USP4: variants seen among roughly 807,000 people sequenced by gnomAD.
USP4 encodes the protein ubiquitin specific peptidase 4.
A neutral mutation model predicts 118.2 loss-of-function variants in USP4; 72 were observed. The ratio of observed to expected loss-of-function variants is 0.61; its 90% CI spans 0.50 to 0.74. USP4 has a LOEUF of 0.74. Ranked by LOEUF, USP4 falls within the 30% of genes least tolerant of loss-of-function variation. The pLI is 0.00. For synonymous variants in USP4, 415 were observed against 440.4 expected, an observed-to-expected ratio of 0.94 and a Z score of 0.72; for missense variants, 1,037 against 1,185.7, an observed-to-expected ratio of 0.87 and a Z score of 1.84.
chr3:49,329,552 C>A (rs1005659316), intron 2 of USP4, among the ~76,000 whole-genome samples: 1 of 152,068 alleles, frequency 6.6e-6, no homozygotes, highest in African/African-American at 2.4e-5. Context: ...AGGTGCATGC[C>A]ACCAGGCCTA....
At chr3:49,294,627 T>G in intron 13 of USP4, 29 bp from the exon 14 acceptor site, 1 of 1,600,980 alleles carries the variant, frequency 6.2e-7, no homozygotes, top group South Asian at 1.1e-5. Flanking sequence ...AGGGCACTTT[T>G]AGCAGTAGGT....
At chr3:49,310,561 G>T in intron 8 of USP4, 59 bp downstream of exon 8, 1 of 1,449,684 alleles carries the variant, frequency 6.9e-7, no homozygotes. Flanking sequence ...ACCTTTGCAG[G>T]CCACTTCCAC....
At chr3:49,299,351 G>A (rs1349925653) in intron 11 of USP4, among the ~76,000 whole-genome samples, 1 of 151,026 alleles carries the variant, frequency 6.6e-6, no homozygotes, top group Non-Finnish European at 1.5e-5. Flanking sequence ...GCCTCCTGAA[G>A]TGCTGGGATT....
chr3:49,321,630 G>C (rs1287045835), intron 6 of USP4, among the ~76,000 whole-genome samples: 1 of 151,998 alleles, frequency 6.6e-6, no homozygotes, highest in Non-Finnish European at 1.5e-5. Context: ...ACTGCACCGG[G>C]CTAATTTTCT....
intron 9 of USP4, 47 bp downstream of exon 9, chr3:49,305,668 A>G (rs2047306349): frequency 6.9e-7 from 1 of 1,439,096 alleles, no homozygotes; most frequent in South Asian, 1.6e-5. Context: ...GGTCCCAGGC[A>G]TCTATATACA....
chr3:49,328,878 A>T (rs966215170), intron 2 of USP4, among the ~76,000 whole-genome samples: 7 of 151,384 alleles, frequency 4.6e-5, no homozygotes, highest in East Asian at 1.9e-4. Context: ...AAAAATAAAT[A>T]AAAATTAAAA....
At chr3:49,317,283 C>CT in intron 6 of USP4, 1 of 1,520,026 alleles carries the variant, frequency 6.6e-7, no homozygotes, top group Non-Finnish European at 9.0e-7. Flanking sequence ...CGCGGGCCAG[C>CT]TTCTCGTTGA....
In USP4 at chr3:49,277,490, C is replaced by T. The variant is rs2046975953; in HGVS notation, c.*803G>A. On this transcript the variant is annotated 3_prime_UTR_variant, in exon 22 of 22. Coordinates refer to ENST00000265560, the MANE Select transcript of USP4 (RefSeq NM_003363.4). ...GCCATGAACTGGAGCCCTTTCCCGG[C>T]TAACTCCCACAAAGATTTCTGTTCT... 4.8e-6 allele frequency: 1 copy of T among 209,942 alleles called. No individual in the cohort carries two copies. The highest frequency in any genetic ancestry group is 2.4e-5 in the African/African-American group (1 of 42,310). The allele number at this position is 209,942 out of a possible 1,614,324, so 13.0% of individuals were successfully genotyped here. A position where few individuals can be genotyped will look rare whatever the true frequency, so the allele number is the denominator to read the frequency against.
chr3:49,295,710 G>A (rs185611072), intron 13 of USP4, among the ~76,000 whole-genome samples: 11 of 138,456 alleles, frequency 7.9e-5, no homozygotes, highest in African/African-American at 2.3e-4. Context: ...GTGCGCGCGC[G>A]CGCGCACACA....
Position 49,339,959 on chromosome 3 carries a change from G to T in USP4, c.66C>A (p.Pro22=). 1 of 1,613,126 alleles carries T rather than the reference G, an allele frequency of 6.2e-7. No homozygotes were observed. The highest frequency in any genetic ancestry group is 1.1e-5 in the South Asian group (1 of 91,082). Residue 22 remains proline (P), a synonymous_variant, in exon 1 of 22, where the codon CCC becomes CCA. Transcript: ENST00000265560. ...DAETQKSELG[P]LMRTTLQRGA... ...CGCGTTGGAGTGTGGTCCTCATTAA[G>T]GGTCCAAGCTCGGACTTCTGAGTCT... is the stretch of plus-strand genomic sequence containing the variant.
At chr3:49,299,754 G>C (rs2047246343) in intron 11 of USP4, among the ~76,000 whole-genome samples, 1 of 152,120 alleles carries the variant, frequency 6.6e-6, no homozygotes. Context: ...ATTACTCAGT[G>C]AGCCATCAGC....
At position 49,339,943 on chromosome 3, in the gene USP4, G is replaced by C; in HGVS notation, c.82C>G (p.Leu28Val). The change falls in exon 1 of 22, where the codon CTC (leucine) becomes GTC (valine). Residue 28 changes from leucine (L) to valine (V), a missense_variant. Coordinates refer to ENST00000265560, the MANE Select transcript of USP4 (RefSeq NM_003363.4). ...SELGPLMRTT[L>V]QRGAQWYLID... ...GCTCACCACTGCGCCCCGCGTTGGAGTGTGGTCCTCATTAAGGGTCCAAGC... is the reference window on the plus strand; with the variant it reads ...GCTCACCACTGCGCCCCGCGTTGGACTGTGGTCCTCATTAAGGGTCCAAGC... 1.2e-6 allele frequency: 2 copies of C among 1,613,262 alleles called. No individual in the cohort carries two copies. The highest frequency in any genetic ancestry group is 8.5e-7 in the Non-Finnish European group (1 of 1,179,860).
chr3:49,289,744 G>A (rs1403626451), intron 15 of USP4, among the ~76,000 whole-genome samples: 1 of 151,612 alleles, frequency 6.6e-6, no homozygotes, highest in Non-Finnish European at 1.5e-5. Context: ...GGTGGTGGGC[G>A]CCTATAATCC....
rs757412879 is a variant in USP4 at position 49,302,391 on chromosome 3, G to T, written c.1280C>A (p.Pro427Gln). 1 of 1,613,584 alleles carries T rather than the reference G, an allele frequency of 6.2e-7. No individual in the cohort carries two copies. Among genetic ancestry groups the T allele is most frequent in the Non-Finnish European group, 8.5e-7 (1 of 1,179,910 alleles). ...ACATCATTAATGGCATACCGCATCT[G>T]GCCGCCCATTGGCATCCTTCAGCTC... is the stretch of plus-strand genomic sequence containing the variant. The part of the protein sequence containing the change: ...YLELKDANGR[P>Q]DAVVAKEAWE... The change falls in exon 10 of 22, where the codon CCA becomes CAA. Residue 427 changes from proline to glutamine, a missense_variant. Pro to Gln is a moderately conservative substitution (Grantham distance 76). Around this residue, in one of 3 missense-constraint regions of USP4, gnomAD observed 487 missense variants for 534.1 expected, o/e 0.91. Coordinates refer to ENST00000265560, the MANE Select transcript of USP4 (RefSeq NM_003363.4).
At chr3:49,291,030 G>A (rs1182721417) in intron 15 of USP4, among the ~76,000 whole-genome samples, 6 of 151,822 alleles carry the variant, frequency 4.0e-5, no homozygotes, top group South Asian at 4.2e-4. Context: ...GTGCAGTGGC[G>A]TGATCTTGGC....
chr3:49,303,624 A>G (rs1464021038), intron 9 of USP4, among the ~76,000 whole-genome samples: 1 of 152,160 alleles, frequency 6.6e-6, no homozygotes, highest in Non-Finnish European at 1.5e-5. Context: ...GCTGGTAGCT[A>G]CCAAAACACA....
At chr3:49,279,871 G>A (rs968543156) in intron 20 of USP4, among the ~76,000 whole-genome samples, 2 of 152,202 alleles carry the variant, frequency 1.3e-5, no homozygotes, top group Non-Finnish European at 2.9e-5. Context: ...TAGGCCCAAT[G>A]TGGACCCTCA....
chr3:49,338,344 C>T (rs570079306), intron 1 of USP4, among the ~76,000 whole-genome samples: 2 of 151,916 alleles, frequency 1.3e-5, no homozygotes, highest in African/African-American at 4.8e-5. Flanking sequence ...CTTTATGAAC[C>T]CTATAGAGGT....
rs758353574 is a variant in USP4, at chr3:49,317,295, G to A, written c.696-5641C>T. The A allele has an allele frequency of 2.0e-5, 29 of 1,483,434 alleles. 1 individual carries two copies. Among genetic ancestry groups the A allele is most frequent in the South Asian group, 9.4e-5 (8 of 84,712 alleles). 91.9% of individuals were successfully genotyped at this position (1,483,434 alleles called of 1,614,324 possible). A position where few individuals can be genotyped will look rare whatever the true frequency, so the allele number is the denominator to read the frequency against. On this transcript the variant is annotated intron_variant, in intron 6 of 21. Coordinates refer to ENST00000265560, the MANE Select transcript of USP4 (RefSeq NM_003363.4). ...TGACGCGGGCCAGCTTCTCGTTGAC[G>A]CAGGCCAGCTTCTCTGTCAGCTGCC...
Sources: allele counts gnomAD v4.1 joint callset (sites outside exome capture counted in the v4.1 genomes callset), GRCh38; gene constraint gnomAD v4.1.1; regional missense constraint gnomAD v4.1.1; transcripts MANE v1.5; gene names NCBI Gene and HGNC (gene_info 2026-07-23, HGNC 2026-07-21).